The following FRMPD2 variants were observed in gnomAD, a reference collection of about 807,000 sequenced individuals.
The protein encoded by FRMPD2 is FERM and PDZ domain-containing protein 2.
A neutral mutation model predicts 140.1 loss-of-function variants in FRMPD2; 96 were observed. The observed-to-expected ratio is 0.69, with a 90% CI of 0.58 to 0.81. FRMPD2 has a LOEUF of 0.81. Among genes scored for constraint, FRMPD2 ranks in the 40% least tolerant of loss-of-function variants. The pLI is 0.00. For synonymous variants in FRMPD2, 449 were observed against 547.6 expected (o/e 0.82, Z 2.52); for missense variants, 1,240 against 1,447.4 (o/e 0.86, Z 2.32).
chr10:48,194,771 G>C (rs377012486), intron 15 of FRMPD2, among the ~76,000 whole-genome samples: 23 of 152,318 alleles, frequency 1.5e-4, no homozygotes, highest in African/African-American at 5.1e-4. Context: ...TCAGCCTACA[G>C]CTGTGGGCTG....
At chr10:48,245,088 AG>A (rs763579184) in intron 3 of FRMPD2, among the ~76,000 whole-genome samples, 5 of 152,182 alleles carry the variant, frequency 3.3e-5, no homozygotes, top group Non-Finnish European at 7.4e-5. Flanking sequence ...GAAATCTGTT[AG>A]GGGGCTTCTG....
intron 1 of FRMPD2, among the ~76,000 whole-genome samples, chr10:48,273,445 G>A (rs187120730): frequency 1.3e-5 from 2 of 152,216 alleles, no homozygotes; most frequent in Non-Finnish European, 2.9e-5. Context: ...ACTAAAGTTA[G>A]GCCAAACTGC....
At position 48,184,811 on chromosome 10, in the gene FRMPD2, A is replaced by G. The variant is rs1201993366; in HGVS notation, c.2430T>C (p.Pro810=). Reference sequence around the variant, plus strand: ...TTTTTGCTTTTTCTGCTGGTCCTCCAGGTATAATAGAAGATATAAAAATGC... The same window carrying G: ...TTTTTGCTTTTTCTGCTGGTCCTCCGGGTATAATAGAAGATATAAAAATGC... The part of the protein sequence containing the change: ...DPGIFISSII[P]GGPAEKAKTI... The change falls in exon 19 of 29, where the codon CCT becomes CCC. Residue 810 remains proline, a synonymous_variant. Transcript: ENST00000374201. 6.2e-7 allele frequency: 1 copy of G among 1,613,794 alleles called. No homozygotes were observed. The highest frequency in any genetic ancestry group is 1.3e-5 in the African/African-American group (1 of 74,942).
intron 4 of FRMPD2, among the ~76,000 whole-genome samples, chr10:48,243,329 G>C (rs1840170737): frequency 6.6e-6 from 1 of 152,262 alleles, no homozygotes; most frequent in Non-Finnish European, 1.5e-5. Flanking sequence ...TAACCAAGAG[G>C]AAAGTGGGGA....
At chr10:48,207,012 A>G in intron 13 of FRMPD2, 79 bp from the exon 14 acceptor site, 1 of 1,270,020 alleles carries the variant, frequency 7.9e-7, no homozygotes, top group South Asian at 1.5e-5. Flanking sequence ...CACTCCATGC[A>G]AAACACACTG....
chr10:48,260,393 T>C (rs75533529), intron 1 of FRMPD2, among the ~76,000 whole-genome samples: 3 of 152,008 alleles, frequency 2.0e-5, no homozygotes, highest in Non-Finnish European at 4.4e-5. Context: ...GGAGATGAGA[T>C]GAGATGTCCC....
Position 48,192,730 on chromosome 10 carries a change from T to A in FRMPD2, c.2119A>T (p.Asn707Tyr). Residue 707 changes from asparagine (N) to tyrosine (Y), a missense_variant, in exon 16 of 29, where the codon AAC becomes TAC. Physicochemically the swap from Asn to Tyr is moderately radical, Grantham distance 143. Coordinates refer to ENST00000374201, the MANE Select transcript of FRMPD2 (RefSeq NM_001018071.4). ...CCAGCCTCCTTGCTGCCGTCCACGTTGAAGTTATCCATTGATGTACTCAGC... is the reference window on the plus strand; with the variant it reads ...CCAGCCTCCTTGCTGCCGTCCACGTAGAAGTTATCCATTGATGTACTCAGC... The part of the protein sequence containing the change: ...GLLSTSMDNF[N>Y]VDGSKEAGAE... 1 of 1,614,136 alleles carries A rather than the reference T, an allele frequency of 6.2e-7. No individual in the cohort carries two copies. The highest frequency in any genetic ancestry group is 8.5e-7 in the Non-Finnish European group (1 of 1,180,028).
chr10:48,230,598 A>G (rs1418301683), intron 10 of FRMPD2, among the ~76,000 whole-genome samples: 1 of 152,228 alleles, frequency 6.6e-6, no homozygotes, highest in Non-Finnish European at 1.5e-5. Flanking sequence ...AATTTGTCTT[A>G]TTGTGATTAT....
At chr10:48,216,562 T>A (rs1839456099) in intron 12 of FRMPD2, among the ~76,000 whole-genome samples, 1 of 152,196 alleles carries the variant, frequency 6.6e-6, no homozygotes, top group South Asian at 2.1e-4. Flanking sequence ...ACATCCTGTA[T>A]CTGAATCTAC....
At chr10:48,172,436 G>T (rs1838285893) in intron 25 of FRMPD2, among the ~76,000 whole-genome samples, 1 of 152,128 alleles carries the variant, frequency 6.6e-6, no homozygotes, top group Non-Finnish European at 1.5e-5. Context: ...AATCACAAGG[G>T]AATTGCAGAG....
chr10:48,219,017 A>G (rs1424460346), intron 12 of FRMPD2, among the ~76,000 whole-genome samples: 2 of 152,182 alleles, frequency 1.3e-5, no homozygotes, highest in Non-Finnish European at 2.9e-5. Context: ...GATGCGAAAA[A>G]GTATCCAGAG....
intron 15 of FRMPD2, among the ~76,000 whole-genome samples, chr10:48,200,272 T>G (rs1771073951): frequency 6.6e-6 from 1 of 152,130 alleles, no homozygotes. Context: ...ACCACCCTTC[T>G]GTTTAACATT....
chr10:48,187,278 C>G lies in FRMPD2; in HGVS notation c.2180G>C (p.Arg727Pro). The change falls in exon 17 of 29, where the codon CGG becomes CCG. Residue 727 changes from arginine to proline, a missense_variant. Around this residue, in one of 6 missense-constraint regions of FRMPD2, gnomAD observed 1,161 missense variants for 1,055.9 expected, o/e 1.10. Coordinates refer to ENST00000374201, the MANE Select transcript of FRMPD2 (RefSeq NM_001018071.4). ...EGIGRSPCTG[R>P]EQLKSACVIQ... ...CACACAGGCACTCTTCAGCTGCTCC[C>G]GGCCAGTGCAGGGGCTGCCGGGAAA... 4 of 1,613,974 alleles carry G rather than the reference C, an allele frequency of 2.5e-6. No individual in the cohort carries two copies. The highest frequency in any genetic ancestry group is 3.4e-6 in the Non-Finnish European group (4 of 1,179,960).
At chr10:48,241,943 C>G in intron 5 of FRMPD2, 1 of 358,260 alleles carries the variant, frequency 2.8e-6, no homozygotes, top group Admixed American at 4.0e-5. Context: ...GTTAGCACTG[C>G]CCAATAGAAC....
chr10:48,243,047 C>T (rs891856755), intron 4 of FRMPD2, among the ~76,000 whole-genome samples: 3 of 152,204 alleles, frequency 2.0e-5, no homozygotes, highest in African/African-American at 4.8e-5. Flanking sequence ...GCTGCACTAC[C>T]GCTTCTTGCT....
At chr10:48,210,867 TG>T in intron 13 of FRMPD2, among the ~76,000 whole-genome samples, 1 of 152,376 alleles carries the variant, frequency 6.6e-6, no homozygotes, top group Admixed American at 6.5e-5. Flanking sequence ...TATTTCTACC[TG>T]ACTTCTGTAC....
intron 18 of FRMPD2, 49 bp from the exon 19 acceptor site, chr10:48,184,930 G>A: frequency 7.0e-7 from 1 of 1,434,144 alleles, no homozygotes; most frequent in Non-Finnish European, 9.7e-7. Flanking sequence ...TAGTGATTTT[G>A]CTGTTCAGAG....
chr10:48,213,265 G>C (rs186783649), intron 12 of FRMPD2, among the ~76,000 whole-genome samples: 486 of 152,296 alleles, frequency 3.2e-3, no homozygotes, highest in Non-Finnish European at 5.4e-3. Flanking sequence ...TGTTCAGCAG[G>C]CTAGTGCATA....
In FRMPD2 at chr10:48,181,052, G is replaced by A. The variant is rs373989954; in HGVS notation, c.2585-44C>T. The A allele has an allele frequency of 7.0e-5, 98 of 1,390,662 alleles. No homozygotes were observed. The African/African-American group carries it at 7.3e-4, about 10-fold the overall frequency. 86.1% of individuals were successfully genotyped at this position (1,390,662 alleles called of 1,614,324 possible). On this transcript the variant is annotated intron_variant, in intron 20 of 28. Transcript: ENST00000374201. The stretch of plus-strand genomic sequence containing the variant: ...AAAAAGTCAACAGCTTAAAAAGGCC[G>A]GTTTCTTGGTGGCATCTCTATGTGG...
Sources: allele counts gnomAD v4.1 joint callset (sites outside exome capture counted in the v4.1 genomes callset), GRCh38; gene constraint gnomAD v4.1.1; regional missense constraint gnomAD v4.1.1; transcripts MANE v1.5; gene names NCBI Gene and HGNC (gene_info 2026-07-23, HGNC 2026-07-21).